The following NXPE2 variants were observed in gnomAD, a reference collection of about 807,000 sequenced individuals.
NXPE2 encodes NXPE family member 2.
In NXPE2, 34 loss-of-function variants were observed where a neutral mutation model predicts 34.4. That is an observed-to-expected ratio of 0.99 (90% CI 0.75 to 1.31). The LOEUF (loss-of-function observed/expected upper bound fraction) is 1.31. Among genes scored for constraint, NXPE2 ranks in the 40% most tolerant of loss-of-function variants. The pLI is 0.00. For synonymous variants in NXPE2, 235 were observed against 231.3 expected (o/e 1.02, Z -0.15); for missense variants, 649 against 672.5 (o/e 0.97, Z 0.39).
the NXPE2 span, among the ~76,000 whole-genome samples, chr11:114,669,240 A>C: frequency 2.2e-4 from 33 of 152,286 alleles, no homozygotes; most frequent in African/African-American, 7.2e-4. Context: ...GGCATACAGC[A>C]AATGAATAAA....
chr11:114,682,366 C>T (rs987192712), intron 2 of NXPE2, among the ~76,000 whole-genome samples: 1 of 152,174 alleles, frequency 6.6e-6, no homozygotes, highest in Non-Finnish European at 1.5e-5. Flanking sequence ...CTTACAATCT[C>T]ATATGCCCAC....
the NXPE2 span, among the ~76,000 whole-genome samples, chr11:114,782,309 T>C: frequency 0.04 from 6,022 of 152,246 alleles, 397 homozygotes; most frequent in African/African-American, 0.14. Context: ...TAACCTGTGC[T>C]CTTTCTGTCT....
chr11:114,762,932 T>C, the NXPE2 span, among the ~76,000 whole-genome samples: 2 of 151,926 alleles, frequency 1.3e-5, no homozygotes, highest in Non-Finnish European at 2.9e-5. Flanking sequence ...GACTTCAACA[T>C]CTACTGCTTG....
chr11:114,648,612 AATC>A, the NXPE2 span, among the ~76,000 whole-genome samples: 2 of 152,210 alleles, frequency 1.3e-5, no homozygotes, highest in East Asian at 3.8e-4. Flanking sequence ...ACATAAAATT[AATC>A]ATCGTGTCTA....
At chr11:114,800,857 G>A in the NXPE2 span, among the ~76,000 whole-genome samples, 1 of 149,170 alleles carries the variant, frequency 6.7e-6, no homozygotes, top group South Asian at 2.2e-4. Context: ...CTAGAATGTA[G>A]TAAATGCTCA....
the NXPE2 span, among the ~76,000 whole-genome samples, chr11:114,737,962 C>A: frequency 1.3e-5 from 2 of 152,146 alleles, no homozygotes; most frequent in Non-Finnish European, 2.9e-5. Flanking sequence ...TGGTGCTGGC[C>A]TGTATTCCCG....
At chr11:114,700,672 T>TA (rs1013227018) in intron 3 of NXPE2, among the ~76,000 whole-genome samples, 7 of 151,250 alleles carry the variant, frequency 4.6e-5, no homozygotes, top group East Asian at 1.9e-4. Context: ...ATTTGTTGAA[T>TA]AAAAAAAAAT....
chr11:114,651,010 G>A, the NXPE2 span, among the ~76,000 whole-genome samples: 1 of 151,838 alleles, frequency 6.6e-6, no homozygotes. Context: ...CTAAGCACAA[G>A]GCAACAAAGA....
At chr11:114,626,201 G>C in the NXPE2 span, among the ~76,000 whole-genome samples, 71 of 152,312 alleles carry the variant, frequency 4.7e-4, no homozygotes, top group South Asian at 3.5e-3. Context: ...GCCTGCCTCT[G>C]TAGGCTCCAC....
the NXPE2 span, among the ~76,000 whole-genome samples, chr11:114,797,042 A>G: frequency 6.6e-6 from 1 of 152,340 alleles, no homozygotes; most frequent in Non-Finnish European, 1.5e-5. Flanking sequence ...GTGTGCCACA[A>G]TAAGAAAGTT....
At chr11:114,715,924 C>T in the NXPE2 span, among the ~76,000 whole-genome samples, 1 of 152,188 alleles carries the variant, frequency 6.6e-6, no homozygotes. Context: ...TGCATTTCCA[C>T]ATCTAGCTTC....
the NXPE2 span, among the ~76,000 whole-genome samples, chr11:114,599,288 C>A: frequency 2.6e-5 from 4 of 152,184 alleles, no homozygotes; most frequent in Non-Finnish European, 5.9e-5. Flanking sequence ...TCATCTCCTT[C>A]TGAGACCTCC....
At chr11:114,639,785 A>AAT in the NXPE2 span, among the ~76,000 whole-genome samples, 1 of 126,676 alleles carries the variant, frequency 7.9e-6, no homozygotes, top group South Asian at 2.2e-4. Flanking sequence ...TATAAAATAT[A>AAT]ATATATATTA....
At chr11:114,672,911 A>G in the NXPE2 span, among the ~76,000 whole-genome samples, 1 of 151,514 alleles carries the variant, frequency 6.6e-6, no homozygotes, top group African/African-American at 2.4e-5. Context: ...ACTAGACAGA[A>G]TAACAGTAAG....
the NXPE2 span, among the ~76,000 whole-genome samples, chr11:114,629,666 G>T: frequency 6.6e-6 from 1 of 151,980 alleles, no homozygotes; most frequent in Non-Finnish European, 1.5e-5. Context: ...GGAAGTTCTG[G>T]CCAGGGCAAT....
the NXPE2 span, chr11:114,522,353 G>A: frequency 6.2e-7 from 1 of 1,614,064 alleles, no homozygotes; most frequent in African/African-American, 1.3e-5. Flanking sequence ...AATTTCCCGA[G>A]GGATATAATC....
the NXPE2 span, among the ~76,000 whole-genome samples, chr11:114,499,206 C>T: frequency 6.6e-6 from 1 of 152,126 alleles, no homozygotes; most frequent in African/African-American, 2.4e-5. Context: ...TAACATACTT[C>T]TATATCTGTG....
At chr11:114,470,447 G>A in the NXPE2 span, among the ~76,000 whole-genome samples, 56 of 152,250 alleles carry the variant, frequency 3.7e-4, no homozygotes, top group African/African-American at 1.3e-3. Flanking sequence ...TAATGCAAAT[G>A]ACTGATGATG....
chr11:114,482,953 AGC>A, the NXPE2 span, among the ~76,000 whole-genome samples: 1 of 152,182 alleles, frequency 6.6e-6, no homozygotes, highest in East Asian at 1.9e-4. Context: ...CACTGCTCCC[AGC>A]ATCCAGCTAC....
Sources: gnomAD v4.1 joint callset for allele counts (sites outside exome capture counted in the v4.1 genomes callset) on GRCh38, gnomAD v4.1.1 for gene constraint, MANE v1.5 for transcripts, NCBI Gene and HGNC (gene_info 2026-07-23, HGNC 2026-07-21) for gene names.